Variants in FTCDNL1 observed in about 807,000 individuals in gnomAD.
FTCDNL1 encodes the protein formiminotransferase cyclodeaminase N-terminal like, also known as formiminotransferase N-terminal subdomain-containing protein.
A neutral mutation model predicts 5.9 loss-of-function variants in FTCDNL1; 11 were observed. That is an observed-to-expected ratio of 1.87 (90% CI 1.18 to 3.10). FTCDNL1 has a LOEUF of 3.10. Ranked by LOEUF, FTCDNL1 falls within the 30% of genes most tolerant of loss-of-function variation. The pLI is 0.00. For synonymous variants in FTCDNL1, 58 were observed against 24.8 expected (o/e 2.34, Z -3.99); for missense variants, 115 against 65.5 (o/e 1.76, Z -2.61).
chr2:199,681,206 C>A, the FTCDNL1 span, among the ~76,000 whole-genome samples: 1 of 151,906 alleles, frequency 6.6e-6, no homozygotes, highest in Non-Finnish European at 1.5e-5. Context: ...GTAATCCCAG[C>A]ATTTTGGGAG....
the FTCDNL1 span, among the ~76,000 whole-genome samples, chr2:199,673,585 A>G: frequency 3.9e-5 from 6 of 152,218 alleles, no homozygotes; most frequent in African/African-American, 1.4e-4. Context: ...GAATACAGAA[A>G]CAAACTCATA....
chr2:199,814,010 G>T (rs1041994476), intron 4 of FTCDNL1, among the ~76,000 whole-genome samples: 2 of 150,732 alleles, frequency 1.3e-5, no homozygotes, highest in African/African-American at 4.9e-5. Flanking sequence ...AAAACAGGAA[G>T]AAAGTTAAAA....
In FTCDNL1 at chr2:199,835,169, C is replaced by A. The variant is rs1702642014; in HGVS notation, c.211+10906G>T. Among the ~76,000 whole-genome samples the A allele has an allele frequency of 2.6e-5, 4 of 152,288 alleles. No homozygotes were observed. In the South Asian group the frequency reaches 8.3e-4, roughly 32 times the overall value. ...CTCCAGCCTGGGCAACAGGCAAGTT[C>A]CTGTCTCTAAAATAAATAAATAAAT... On this transcript the variant is annotated intron_variant, in intron 3 of 4. Transcript: ENST00000420128.
At chr2:199,742,069 T>C in the FTCDNL1 span, among the ~76,000 whole-genome samples, 2 of 150,898 alleles carry the variant, frequency 1.3e-5, no homozygotes, top group African/African-American at 4.8e-5. Flanking sequence ...AACTATTTGC[T>C]ATTTCCAGAA....
chr2:199,804,513 A>G (rs115874110), downstream of FTCDNL1, among the ~76,000 whole-genome samples: 426 of 152,290 alleles, frequency 2.8e-3, 1 homozygote, highest in African/African-American at 9.6e-3. Flanking sequence ...ACCTGGCCCA[A>G]TGCTTTCCAT....
the FTCDNL1 span, among the ~76,000 whole-genome samples, chr2:199,715,651 T>G: frequency 6.6e-6 from 1 of 152,160 alleles, no homozygotes; most frequent in African/African-American, 2.4e-5. Context: ...CAATAAATTA[T>G]CCATTGAAAC....
At chr2:199,700,576 C>CA in the FTCDNL1 span, among the ~76,000 whole-genome samples, 1 of 151,986 alleles carries the variant, frequency 6.6e-6, no homozygotes, top group African/African-American at 2.4e-5. Flanking sequence ...AAAAAGAGCC[C>CA]AAATAGACAA....
chr2:199,822,932 C>T (rs1190340259), intron 3 of FTCDNL1, among the ~76,000 whole-genome samples: 2 of 152,196 alleles, frequency 1.3e-5, no homozygotes, highest in East Asian at 3.9e-4. Flanking sequence ...CTCACTGCAA[C>T]ATCTGCCTCC....
At chr2:199,833,918 C>T (rs562273046) in intron 3 of FTCDNL1, among the ~76,000 whole-genome samples, 2 of 152,206 alleles carry the variant, frequency 1.3e-5, no homozygotes, top group Non-Finnish European at 2.9e-5. Context: ...GAGAAAAATG[C>T]TTTCTGCCCA....
At chr2:199,836,311 C>A (rs540685652) in intron 3 of FTCDNL1, among the ~76,000 whole-genome samples, 1 of 151,984 alleles carries the variant, frequency 6.6e-6, no homozygotes, top group Non-Finnish European at 1.5e-5. Context: ...ACTACAGGCA[C>A]GCACTACCAC....
At chr2:199,691,828 C>A in the FTCDNL1 span, among the ~76,000 whole-genome samples, 1 of 152,018 alleles carries the variant, frequency 6.6e-6, no homozygotes, top group African/African-American at 2.4e-5. Context: ...ATTTAATGAG[C>A]AATTGTCTAA....
chr2:199,832,604 C>A (rs1702443310), intron 3 of FTCDNL1, among the ~76,000 whole-genome samples: 1 of 152,172 alleles, frequency 6.6e-6, no homozygotes, highest in Non-Finnish European at 1.5e-5. Flanking sequence ...GATTTTCTAA[C>A]ATCTTGCTGT....
intron 2 of FTCDNL1, among the ~76,000 whole-genome samples, chr2:199,848,214 TA>T (rs1170506354): frequency 6.6e-6 from 1 of 152,234 alleles, no homozygotes; most frequent in Non-Finnish European, 1.5e-5. Context: ...AAATGTTTTT[TA>T]AAGAGCAGTA....
chr2:199,671,977 G>A, the FTCDNL1 span, among the ~76,000 whole-genome samples: 2 of 152,114 alleles, frequency 1.3e-5, no homozygotes, highest in Non-Finnish European at 2.9e-5. Flanking sequence ...TTAACATGGG[G>A]TGGGATCACA....
intron 3 of FTCDNL1, among the ~76,000 whole-genome samples, chr2:199,845,578 A>G (rs1418568160): frequency 1.3e-5 from 2 of 152,082 alleles, no homozygotes; most frequent in Non-Finnish European, 2.9e-5. Flanking sequence ...TCTCGAAAAA[A>G]AAAAGATAAT....
chr2:199,775,464 G>A (rs1699012538), intron 3 of FTCDNL1, among the ~76,000 whole-genome samples: 1 of 152,152 alleles, frequency 6.6e-6, no homozygotes, highest in African/African-American at 2.4e-5. Context: ...AAACTTGAGG[G>A]AAGCAACTCC....
chr2:199,739,945 G>C, the FTCDNL1 span, among the ~76,000 whole-genome samples: 2 of 152,078 alleles, frequency 1.3e-5, no homozygotes, highest in African/African-American at 4.8e-5. Context: ...GGTGGGGTTT[G>C]CGAACTCTGG....
intron 1 of FTCDNL1, among the ~76,000 whole-genome samples, chr2:199,849,379 A>C (rs1208333134): frequency 2.0e-5 from 3 of 152,230 alleles, no homozygotes; most frequent in African/African-American, 7.2e-5. Context: ...GCAGAAAAAG[A>C]AAATGAGGAA....
rs1444085310 is a variant in FTCDNL1, at chr2:199,811,597, C to T, written c.*1108G>A. The stretch of plus-strand genomic sequence containing the variant: ...ATTCAGTTATTCACATGCAATTCAT[C>T]AGCCTGAGGGAGCAAGTCACTTTCA... On this transcript the variant is annotated 3_prime_UTR_variant, in exon 5 of 5. Transcript: ENST00000420128. Among the ~76,000 whole-genome samples the T allele has an allele frequency of 3.9e-5, 6 of 152,318 alleles. No individual in the cohort carries two copies. The highest frequency in any genetic ancestry group is 1.4e-4 in the African/African-American group (6 of 41,574).
Sources: gnomAD v4.1 joint callset for allele counts (sites outside exome capture counted in the v4.1 genomes callset) on GRCh38, gnomAD v4.1.1 for gene constraint, MANE v1.5 for transcripts, NCBI Gene and HGNC (gene_info 2026-07-23, HGNC 2026-07-21) for gene names.